The following ANKRD44 variants were observed in gnomAD, a reference collection of about 807,000 sequenced individuals.
The protein encoded by ANKRD44 is serine/threonine-protein phosphatase 6 regulatory ankyrin repeat subunit B.
In ANKRD44, 35 loss-of-function variants were observed where a neutral mutation model predicts 116.0. That is an observed-to-expected ratio of 0.30 (90% CI 0.23 to 0.40). The LOEUF is 0.40. Ranked by LOEUF, ANKRD44 falls within the 10% of genes least tolerant of loss-of-function variation. The pLI, the probability that ANKRD44 is intolerant of heterozygous loss-of-function variation, is 1.00. For missense variants in ANKRD44, 1,014 were observed against 1,242.6 expected (o/e 0.82, Z 2.77); for synonymous variants, 435 against 461.8 (o/e 0.94, Z 0.74).
chr2:197,001,069 TCTGA>T (rs146613663), intron 22 of ANKRD44, among the ~76,000 whole-genome samples: 3,837 of 152,238 alleles, frequency 0.025, 145 homozygotes, highest in African/African-American at 0.087. Flanking sequence ...ATAAAATCTT[TCTGA>T]CTCTTTTTTA....
At chr2:197,172,858 A>G (rs2080275032) in intron 2 of ANKRD44, among the ~76,000 whole-genome samples, 1 of 152,042 alleles carries the variant, frequency 6.6e-6, no homozygotes, top group African/African-American at 2.4e-5. Context: ...GAGCCACCAC[A>G]CCTGACCAAC....
At chr2:197,213,440 T>A (rs1256786399) in intron 1 of ANKRD44, among the ~76,000 whole-genome samples, 1 of 152,232 alleles carries the variant, frequency 6.6e-6, no homozygotes, top group Non-Finnish European at 1.5e-5. Context: ...TCAGCACATG[T>A]TATTTCAAGA....
At chr2:197,036,208 TA>T (rs2076803741) in intron 16 of ANKRD44, among the ~76,000 whole-genome samples, 1 of 152,144 alleles carries the variant, frequency 6.6e-6, no homozygotes, top group African/African-American at 2.4e-5. Flanking sequence ...TCCAATTCCA[TA>T]AGCAAGGAGA....
chr2:196,994,613 C>G (rs182966797), intron 26 of ANKRD44: 1 of 152,648 alleles, frequency 6.6e-6, no homozygotes, highest in Admixed American at 6.5e-5. Flanking sequence ...CTCCCAGGTT[C>G]AAGTGATTCT....
chr2:197,125,704 A>G (rs928342460), intron 5 of ANKRD44, 133 bp downstream of exon 5: 1 of 1,076,152 alleles, frequency 9.3e-7, no homozygotes, highest in African/African-American at 1.6e-5. Context: ...GTTGAGAATG[A>G]TATAGATGCT....
intron 1 of ANKRD44, among the ~76,000 whole-genome samples, chr2:197,278,140 G>C (rs2083146856): frequency 6.6e-6 from 1 of 152,202 alleles, no homozygotes; most frequent in East Asian, 1.9e-4. Context: ...GTATCAGTGG[G>C]GACGGGAGGG....
At chr2:197,036,445 G>C (rs142135349) in intron 16 of ANKRD44, among the ~76,000 whole-genome samples, 1 of 152,124 alleles carries the variant, frequency 6.6e-6, no homozygotes, top group Non-Finnish European at 1.5e-5. Flanking sequence ...TTTTAGTAGA[G>C]ATGGGATTTT....
At chr2:197,189,651 A>G (rs1039474077) in intron 1 of ANKRD44, among the ~76,000 whole-genome samples, 5 of 152,212 alleles carry the variant, frequency 3.3e-5, no homozygotes, top group African/African-American at 1.2e-4. Context: ...TCATGTGTGC[A>G]TTTCTGCCTT....
intron 26 of ANKRD44, 33 bp downstream of exon 26, chr2:196,995,346 G>C (rs1463103492): frequency 6.7e-7 from 1 of 1,492,456 alleles, no homozygotes; most frequent in Non-Finnish European, 9.3e-7. Flanking sequence ...CTATGACCCT[G>C]GGTTCAAGTC....
At position 196,989,523 on chromosome 2, in the gene ANKRD44, C is replaced by CACATAT. The variant is rs1553612141; in HGVS notation, c.*67_*68insATATGT. 2.5e-3 allele frequency: 3,286 copies of CACATAT among 1,325,134 alleles called. 1 individual carries two copies. Among genetic ancestry groups the CACATAT allele is most frequent in the Non-Finnish European group, 3.0e-3 (2,965 of 994,146 alleles). The allele number at this position is 1,325,134 out of a possible 1,614,324, so 82.1% of individuals were successfully genotyped here. A position where few individuals can be genotyped will look rare whatever the true frequency, so the allele number is the denominator to read the frequency against. Reference sequence around the variant, plus strand: ...GGCTGATGAACTACACACACACACACATATATATATATATACACACGCACA... The same window carrying CACATAT: ...GGCTGATGAACTACACACACACACACACATATATATATATATATATACACACGCACA... On this transcript the variant is annotated 3_prime_UTR_variant, in exon 28 of 28. Coordinates refer to ENST00000282272, the MANE Select transcript of ANKRD44 (RefSeq NM_001195144.2).
chr2:196,989,888 A>G (rs1345251024), intron 27 of ANKRD44: 4 of 1,194,924 alleles, frequency 3.3e-6, no homozygotes, highest in Non-Finnish European at 4.2e-6. Flanking sequence ...TGATTTAAGA[A>G]TAAATTAACA....
chr2:197,209,340 T>C (rs1232225932), intron 1 of ANKRD44, among the ~76,000 whole-genome samples: 1 of 152,110 alleles, frequency 6.6e-6, no homozygotes, highest in Non-Finnish European at 1.5e-5. Context: ...TTTACCAGAG[T>C]AAACCTGGCT....
chr2:196,968,767 A>C (rs540745835), intron 21 of ANKRD44, among the ~76,000 whole-genome samples: 27 of 152,256 alleles, frequency 1.8e-4, no homozygotes, highest in Admixed American at 5.2e-4. Flanking sequence ...CTTGGCTGTC[A>C]CATTAATAGC....
chr2:196,985,277 C>T (rs2075828974), downstream of ANKRD44, among the ~76,000 whole-genome samples: 1 of 152,182 alleles, frequency 6.6e-6, no homozygotes, highest in Non-Finnish European at 1.5e-5. Context: ...ACAGAAGACC[C>T]AGCTAAACTA....
chr2:197,012,086 A>G (rs1053747127), intron 18 of ANKRD44, among the ~76,000 whole-genome samples: 7 of 152,232 alleles, frequency 4.6e-5, no homozygotes, highest in East Asian at 1.9e-4. Context: ...GCCTCTCAAA[A>G]AAGTTGAAAA....
intron 2 of ANKRD44, among the ~76,000 whole-genome samples, chr2:197,180,959 CTA>C (rs869029387): frequency 5.4e-4 from 7 of 12,898 alleles, no homozygotes; most frequent in Non-Finnish European, 6.2e-4. Flanking sequence ...CATATAGTGT[CTA>C]TTTTTTTTCT....
intron 12 of ANKRD44, 73 bp downstream of exon 12, chr2:197,088,636 TCA>T (rs2077977794): frequency 6.3e-6 from 6 of 949,042 alleles, no homozygotes; most frequent in Non-Finnish European, 8.9e-6. Flanking sequence ...TGCCTTTGAT[TCA>T]CAGACAACTT....
Position 196,993,604 on chromosome 2 carries a change from C to T in ANKRD44, c.2902G>A (p.Val968Ile). ...VEELLAKGAC[V>I]LAVDENASRS... ...TTACCATTTTCATCTACAGCAAGTA[C>T]ACAGGCCCCTTTGGCCAGCAACTCC... is the stretch of plus-strand genomic sequence containing the variant. The change falls in exon 27 of 28, where the codon GTA becomes ATA. Residue 968 changes from valine (V) to isoleucine (I), a missense_variant. Coordinates refer to ENST00000282272, the MANE Select transcript of ANKRD44 (RefSeq NM_001195144.2). The T allele has an allele frequency of 6.4e-7, 1 of 1,550,878 alleles. No homozygotes were observed. Among genetic ancestry groups the T allele is most frequent in the Non-Finnish European group, 8.7e-7 (1 of 1,146,980 alleles).
chr2:196,970,392 T>C (rs2075706887), intron 21 of ANKRD44, among the ~76,000 whole-genome samples: 1 of 152,218 alleles, frequency 6.6e-6, no homozygotes, highest in African/African-American at 2.4e-5. Context: ...CTCCGTGTTT[T>C]ACAGTTGAAG....
Sources: allele counts gnomAD v4.1 joint callset (sites outside exome capture counted in the v4.1 genomes callset), GRCh38; gene constraint gnomAD v4.1.1; transcripts MANE v1.5; gene names NCBI Gene and HGNC (gene_info 2026-07-23, HGNC 2026-07-21).